WDR1: variants seen among roughly 807,000 people sequenced by gnomAD.
WDR1 encodes the protein WD repeat domain 1.
Under a neutral mutation model 71.9 loss-of-function variants are expected in WDR1, and 21 were observed. The ratio of observed to expected loss-of-function variants is 0.29; its 90% CI spans 0.21 to 0.42. WDR1 has a LOEUF of 0.42. Ranked by LOEUF, WDR1 falls within the 10% of genes least tolerant of loss-of-function variation. The pLI is 1.00. For missense variants in WDR1, 696 were observed against 824.5 expected, an observed-to-expected ratio of 0.84 and a Z score of 1.91; for synonymous variants, 424 against 347.4, an observed-to-expected ratio of 1.22 and a Z score of -2.45.
chr4:10,105,168 G>C (rs937051953), intron 2 of WDR1, among the ~76,000 whole-genome samples: 2 of 152,182 alleles, frequency 1.3e-5, no homozygotes, highest in African/African-American at 4.8e-5. Flanking sequence ...TATGGCCCAA[G>C]CTATCCGTAT....
chr4:10,099,217 C>G, intron 3 of WDR1, 78 bp from the exon 4 acceptor site: 1 of 1,297,954 alleles, frequency 7.7e-7, no homozygotes, highest in Non-Finnish European at 1.1e-6. Context: ...AGGTCACTGC[C>G]GGGCCAGGGC....
chr4:10,078,789 T>A, intron 12 of WDR1, 102 bp downstream of exon 12: 2 of 965,306 alleles, frequency 2.1e-6, no homozygotes, highest in Non-Finnish European at 1.5e-6. Context: ...CCCTGACCCC[T>A]CGCCTTCCCT....
In WDR1 at chr4:10,083,085, T is replaced by C. The variant is rs1228833847; in HGVS notation, c.1133A>G (p.Gln378Arg). 2 of 1,613,772 alleles carry C rather than the reference T, an allele frequency of 1.2e-6. No homozygotes were observed. Among genetic ancestry groups the C allele is most frequent in the Non-Finnish European group, 1.7e-6 (2 of 1,179,874 alleles). The change falls in exon 10 of 15, where the codon CAG (glutamine) becomes CGG (arginine). Residue 378 changes from glutamine (Q) to arginine (R), a missense_variant. Gln to Arg is a conservative substitution (Grantham distance 43, BLOSUM62 1). Transcript: ENST00000499869. Reference sequence around the variant, plus strand: ...GTCGTCCATGCTGCAGCTGATGAGCTGCCCCGACTCATCCACGGTCATCCT... The same window carrying C: ...GTCGTCCATGCTGCAGCTGATGAGCCGCCCCGACTCATCCACGGTCATCCT... ...VSRMTVDESGQLISCSMDDTV... is the reference protein window; with the variant it reads ...VSRMTVDESGRLISCSMDDTV...
chr4:10,116,661 C>A lies in WDR1; in HGVS notation c.6G>T (p.Pro2=), dbSNP rs1292426726. Residue 2 remains proline, a synonymous_variant, in exon 1 of 15, where the codon CCG becomes CCT. Coordinates refer to ENST00000499869, the MANE Select transcript of WDR1 (RefSeq NM_017491.5). M[P]YEIKKVFASL... ...CGCCGCGGCACTTACTGATCTCGTACGGCATCCTCGCCCACTTGTTACCGC... is the reference window on the plus strand; with the variant it reads ...CGCCGCGGCACTTACTGATCTCGTAAGGCATCCTCGCCCACTTGTTACCGC... The A allele has an allele frequency of 1.5e-6, 2 of 1,344,444 alleles. No homozygotes were observed. Among genetic ancestry groups the A allele is most frequent in the African/African-American group, 3.0e-5 (2 of 65,940 alleles). 83.3% of individuals were successfully genotyped at this position (1,344,444 alleles called of 1,614,324 possible). A position where few individuals can be genotyped will look rare whatever the true frequency, so the allele number is the denominator to read the frequency against.
At chr4:10,106,708 C>T (rs1284589181) in intron 2 of WDR1, among the ~76,000 whole-genome samples, 1 of 152,218 alleles carries the variant, frequency 6.6e-6, no homozygotes, top group Non-Finnish European at 1.5e-5. Context: ...CAGAATCCTG[C>T]CAGCTGATGA....
At chr4:10,106,387 TA>T (rs1713017020) in intron 2 of WDR1, 1 of 152,302 alleles carries the variant, frequency 6.6e-6, no homozygotes, top group South Asian at 2.1e-4. Flanking sequence ...ATGATCCACT[TA>T]ACAGGCAGCC....
chr4:10,116,252 C>T lies in WDR1; in HGVS notation c.17-18G>A. 2 of 1,612,914 alleles carry T rather than the reference C, an allele frequency of 1.2e-6. No individual in the cohort carries two copies. The highest frequency in any genetic ancestry group is 3.3e-5 in the Admixed American group (2 of 59,982). ...CACCTTCTCTGCGGAGACACAAATG[C>T]GGCGGGGCATGTCAGGGCAGGGCGG... On this transcript the variant is annotated intron_variant, in intron 1 of 14. Coordinates refer to ENST00000499869, the MANE Select transcript of WDR1 (RefSeq NM_017491.5).
chr4:10,084,234 C>T (rs1377224935), intron 9 of WDR1, among the ~76,000 whole-genome samples: 1 of 152,138 alleles, frequency 6.6e-6, no homozygotes, highest in Non-Finnish European at 1.5e-5. Flanking sequence ...TCAGCATAAG[C>T]CCTGGAGTTG....
intron 2 of WDR1, among the ~76,000 whole-genome samples, chr4:10,106,904 G>A (rs1713055775): frequency 6.6e-6 from 1 of 152,148 alleles, no homozygotes; most frequent in African/African-American, 2.4e-5. Flanking sequence ...CACTCGGCCT[G>A]TGAGGCTCTG....
Position 10,081,436 on chromosome 4 carries a change from C to T in WDR1, c.1205G>A (p.Gly402Glu). The T allele has an allele frequency of 1.2e-6, 2 of 1,613,896 alleles. No individual in the cohort carries two copies. The highest frequency in any genetic ancestry group is 1.7e-6 in the Non-Finnish European group (2 of 1,179,862). The change falls in exon 11 of 15, where the codon GGA (glycine) becomes GAA (glutamate). Residue 402 changes from glycine to glutamate, a missense_variant. Coordinates refer to ENST00000499869, the MANE Select transcript of WDR1 (RefSeq NM_017491.5). ...SLMLRDYSGQ[G>E]VVKLDVQPKC... ...TGGCTGAACGTCCAGTTTCACAACT[C>T]CTTGTCCGCTGTTAGAGAGAAAGGA...
At chr4:10,079,083 C>A in intron 11 of WDR1, 82 bp from the exon 12 acceptor site, 2 of 1,170,114 alleles carry the variant, frequency 1.7e-6, no homozygotes, top group South Asian at 3.0e-5. Flanking sequence ...GCGTCCCTGT[C>A]GGGGCTCACT....
At chr4:10,111,489 C>T (rs917767191) in intron 2 of WDR1, among the ~76,000 whole-genome samples, 2 of 152,180 alleles carry the variant, frequency 1.3e-5, no homozygotes, top group African/African-American at 4.8e-5. Context: ...GCTGCCAGCT[C>T]GTTTGCACCC....
chr4:10,097,135 C>G (rs1712393242), intron 5 of WDR1, among the ~76,000 whole-genome samples: 1 of 152,260 alleles, frequency 6.6e-6, no homozygotes, highest in South Asian at 2.1e-4. Context: ...GGAGGCTTGG[C>G]AAGGCCTGGG....
At chr4:10,089,444 T>G (rs1255678386) in intron 5 of WDR1, among the ~76,000 whole-genome samples, 2 of 152,194 alleles carry the variant, frequency 1.3e-5, no homozygotes, top group Admixed American at 1.3e-4. Context: ...ATTATGACCT[T>G]CATCAAGAAC....
intron 5 of WDR1, chr4:10,094,550 C>T (rs942635358): frequency 6.6e-6 from 1 of 152,248 alleles, no homozygotes; most frequent in African/African-American, 2.4e-5. Context: ...AGGCCACGGT[C>T]AGACCCTCTG....
intron 2 of WDR1, among the ~76,000 whole-genome samples, chr4:10,108,809 C>T (rs1449344370): frequency 1.3e-5 from 2 of 152,228 alleles, no homozygotes; most frequent in East Asian, 3.8e-4. Context: ...AAGCAGCCTT[C>T]CCTGATGCTC....
In WDR1 at chr4:10,078,894, A is replaced by C. The variant is rs1578414875; in HGVS notation, c.1392T>G (p.Gly464=). The C allele has an allele frequency of 6.2e-7, 1 of 1,610,960 alleles. No individual in the cohort carries two copies. Among genetic ancestry groups the C allele is most frequent in the Non-Finnish European group, 8.5e-7 (1 of 1,178,422 alleles). The change falls in exon 12 of 15, where the codon GGT becomes GGG. Residue 464 remains glycine (G), a synonymous_variant. Transcript: ENST00000499869. Reference sequence around the variant, plus strand: ...GGGGGAGAGGAAAGCGACTTACCACACCCCCAATTGCCACCGTGTCCCCGC... The same window carrying C: ...GGGGGAGAGGAAAGCGACTTACCACCCCCCCAATTGCCACCGTGTCCCCGC... ...HPGGDTVAIG[G]VDGNVRLYSI...
At chr4:10,106,899 G>A (rs980255047) in intron 2 of WDR1, among the ~76,000 whole-genome samples, 2 of 152,066 alleles carry the variant, frequency 1.3e-5, no homozygotes, top group Non-Finnish European at 1.5e-5. Flanking sequence ...CGTGTCACTC[G>A]GCCTGTGAGG....
At chr4:10,078,047 G>A in intron 12 of WDR1, 121 bp from the exon 13 acceptor site, 6 of 1,260,640 alleles carry the variant, frequency 4.8e-6, no homozygotes, top group Non-Finnish European at 6.4e-6. Context: ...CTGCTCTGCT[G>A]GGCCCATGCC....
Sources: gnomAD v4.1 joint callset for allele counts (sites outside exome capture counted in the v4.1 genomes callset) on GRCh38, gnomAD v4.1.1 for gene constraint, MANE v1.5 for transcripts, NCBI Gene and HGNC (gene_info 2026-07-23, HGNC 2026-07-21) for gene names.